The following LAMA2 variants were observed in gnomAD, a reference collection of about 807,000 sequenced individuals.
The protein encoded by LAMA2 is laminin subunit alpha-2.
In LAMA2, 269 loss-of-function variants were observed where a neutral mutation model predicts 364.8. The observed-to-expected ratio is 0.74, with a 90% CI of 0.67 to 0.82. The LOEUF is 0.82. Among genes scored for constraint, LAMA2 ranks in the 40% least tolerant of loss-of-function variants. LAMA2 has a pLI of 0.00. For missense variants in LAMA2, 3,807 were observed against 3,873.2 expected, an observed-to-expected ratio of 0.98 and a Z score of 0.45; for synonymous variants, 1,379 against 1,370.6, an observed-to-expected ratio of 1.01 and a Z score of -0.14.
chr6:129,317,446 T>A (rs1277518490), intron 27 of LAMA2, among the ~76,000 whole-genome samples: 1 of 152,182 alleles, frequency 6.6e-6, no homozygotes, highest in East Asian at 1.9e-4. Context: ...AACCTTTTAT[T>A]TCATGCAGAA....
chr6:129,486,697 T>A (rs1394889265), intron 56 of LAMA2, 75 bp downstream of exon 56: 2 of 1,361,358 alleles, frequency 1.5e-6, no homozygotes, highest in Non-Finnish European at 2.1e-6. Context: ...TCTATCAGTA[T>A]CTGCCTGAAC....
intron 12 of LAMA2, among the ~76,000 whole-genome samples, chr6:129,237,373 A>G (rs940595597): frequency 2.0e-5 from 3 of 151,858 alleles, no homozygotes; most frequent in South Asian, 2.1e-4. Context: ...GTCTTGCTCT[A>G]TCACCCAGGC....
At chr6:129,041,397 T>C (rs1210470802) in intron 1 of LAMA2, among the ~76,000 whole-genome samples, 1 of 152,234 alleles carries the variant, frequency 6.6e-6, no homozygotes, top group Non-Finnish European at 1.5e-5. Flanking sequence ...GTGGGTTTCT[T>C]GGAAAAACTC....
chr6:129,301,808 C>T (rs1235779417), intron 22 of LAMA2, among the ~76,000 whole-genome samples: 1 of 152,020 alleles, frequency 6.6e-6, no homozygotes, highest in Non-Finnish European at 1.5e-5. Context: ...TCCCCATCAC[C>T]CCCCATGTGC....
In LAMA2 at chr6:129,246,461, C is replaced by T. The variant is rs532654225; in HGVS notation, c.1783-3651C>T. 6.2e-4 allele frequency among the ~76,000 whole-genome samples: 95 copies of T among 152,228 alleles called. 1 individual carries two copies. The South Asian group carries it at 0.019, about 30-fold the overall frequency. On this transcript the variant is annotated intron_variant, in intron 12 of 64. Transcript: ENST00000421865. Reference sequence around the variant, plus strand: ...CAAATGTTTACAATATTCCACTGTGCCTTTGTGAGTTCACTGCAGCACCCT... The same window carrying T: ...CAAATGTTTACAATATTCCACTGTGTCTTTGTGAGTTCACTGCAGCACCCT...
At chr6:129,250,900 T>A (rs915947229) in intron 13 of LAMA2, among the ~76,000 whole-genome samples, 7 of 152,126 alleles carry the variant, frequency 4.6e-5, no homozygotes, top group African/African-American at 1.7e-4. Context: ...TGTTGTTTCC[T>A]GTCTTGAAAC....
intron 1 of LAMA2, among the ~76,000 whole-genome samples, chr6:128,987,286 T>C (rs1783320631): frequency 6.6e-6 from 1 of 151,906 alleles, no homozygotes; most frequent in Non-Finnish European, 1.5e-5. Flanking sequence ...ACTACAGGCG[T>C]GTGCCCCACA....
At chr6:129,224,451 T>C (rs1368261033) in intron 12 of LAMA2, among the ~76,000 whole-genome samples, 1 of 152,134 alleles carries the variant, frequency 6.6e-6, no homozygotes, top group Non-Finnish European at 1.5e-5. Flanking sequence ...CTTCCAGTTT[T>C]TGCCCATTCA....
intron 12 of LAMA2, among the ~76,000 whole-genome samples, chr6:129,235,124 C>T (rs1474073087): frequency 1.3e-5 from 2 of 152,048 alleles, no homozygotes; most frequent in Admixed American, 6.6e-5. Flanking sequence ...CTAGTGAATG[C>T]CCATGTGAAA....
chr6:129,214,044 A>G (rs1015551436), intron 12 of LAMA2, among the ~76,000 whole-genome samples: 3 of 152,104 alleles, frequency 2.0e-5, no homozygotes, highest in African/African-American at 7.2e-5. Context: ...GTGAGGGTCT[A>G]TATCTGCATT....
intron 1 of LAMA2, among the ~76,000 whole-genome samples, chr6:128,987,719 G>T (rs905849512): frequency 6.6e-6 from 1 of 152,102 alleles, no homozygotes; most frequent in Admixed American, 6.5e-5. Context: ...TAAGACACAG[G>T]TTTAATTCTT....
intron 1 of LAMA2, among the ~76,000 whole-genome samples, chr6:129,047,959 A>T (rs1245364863): frequency 6.6e-6 from 1 of 152,106 alleles, no homozygotes; most frequent in East Asian, 1.9e-4. Flanking sequence ...AAGAGGATAG[A>T]CTCTGGAGCC....
At chr6:129,058,538 T>A (rs753813649) in intron 2 of LAMA2, among the ~76,000 whole-genome samples, 1 of 152,230 alleles carries the variant, frequency 6.6e-6, no homozygotes, top group Non-Finnish European at 1.5e-5. Flanking sequence ...ATCATCTCCT[T>A]CCTTGCCATT....
At chr6:129,301,215 A>C (rs1409085272) in intron 22 of LAMA2, among the ~76,000 whole-genome samples, 1 of 152,160 alleles carries the variant, frequency 6.6e-6, no homozygotes, top group Non-Finnish European at 1.5e-5. Context: ...TTTTCCAAAA[A>C]TCTATAGAAA....
intron 11 of LAMA2, among the ~76,000 whole-genome samples, chr6:129,192,350 G>A (rs1781569514): frequency 6.6e-6 from 1 of 152,126 alleles, no homozygotes; most frequent in Admixed American, 6.6e-5. Context: ...TATAACCATT[G>A]TATGACTTTG....
At chr6:129,036,988 T>C (rs1786682588) in intron 1 of LAMA2, among the ~76,000 whole-genome samples, 1 of 152,244 alleles carries the variant, frequency 6.6e-6, no homozygotes. Flanking sequence ...CATTTTGCTT[T>C]GTGCCATTTT....
intron 39 of LAMA2, 81 bp downstream of exon 39, chr6:129,402,568 A>G: frequency 7.4e-7 from 1 of 1,359,990 alleles, no homozygotes; most frequent in Admixed American, 1.8e-5. Flanking sequence ...GTAGAGAATC[A>G]TTTTCAAATC....
chr6:129,197,702 T>G (rs1035218420), intron 12 of LAMA2, among the ~76,000 whole-genome samples: 1 of 152,230 alleles, frequency 6.6e-6, no homozygotes, highest in Non-Finnish European at 1.5e-5. Flanking sequence ...GACCTGTTTC[T>G]GATACTTTTT....
chr6:129,248,151 G>A (rs1384184731), intron 12 of LAMA2, among the ~76,000 whole-genome samples: 2 of 152,090 alleles, frequency 1.3e-5, no homozygotes, highest in African/African-American at 4.8e-5. Flanking sequence ...CTGCGCATGC[G>A]AGGGATCTAG....
Sources: allele counts gnomAD v4.1 joint callset (sites outside exome capture counted in the v4.1 genomes callset), GRCh38; gene constraint gnomAD v4.1.1; transcripts MANE v1.5; gene names NCBI Gene and HGNC (gene_info 2026-07-23, HGNC 2026-07-21).